Variants in HMCN2 observed in about 807,000 individuals in gnomAD.
HMCN2 encodes hemicentin-2.
HMCN2 carries 325 observed loss-of-function variants against 377.5 expected under a neutral mutation model. The observed-to-expected ratio is 0.86, with a 90% CI of 0.79 to 0.94. The LOEUF (loss-of-function observed/expected upper bound fraction) is 0.94. HMCN2 is among the 40% of genes least tolerant of loss of function. The pLI is 0.00. For synonymous variants in HMCN2, 2,007 were observed against 2,046.8 expected (o/e 0.98, Z 0.53); for missense variants, 4,543 against 4,725.3 (o/e 0.96, Z 1.13).
intron 25 of HMCN2, among the ~76,000 whole-genome samples, chr9:130,345,937 C>T (rs1238268349): frequency 6.6e-6 from 1 of 151,950 alleles, no homozygotes; most frequent in African/African-American, 2.4e-5. Flanking sequence ...GCCATGTCTT[C>T]CCCGCCACCA....
chr9:130,290,342 G>C (rs1328054553), intron 4 of HMCN2, among the ~76,000 whole-genome samples: 1 of 152,178 alleles, frequency 6.6e-6, no homozygotes, highest in Non-Finnish European at 1.5e-5. Context: ...TTTCTGCCTC[G>C]TGTCCCAGCC....
intron 8 of HMCN2, among the ~76,000 whole-genome samples, chr9:130,300,370 G>A (rs1057230034): frequency 6.6e-6 from 1 of 152,212 alleles, no homozygotes; most frequent in Non-Finnish European, 1.5e-5. Flanking sequence ...AGTGGGCAGG[G>A]CAGACATGGA....
intron 43 of HMCN2, among the ~76,000 whole-genome samples, chr9:130,367,941 C>CAAAAAA (rs10565235): frequency 1.3e-5 from 1 of 75,506 alleles, no homozygotes; most frequent in Non-Finnish European, 2.5e-5. Flanking sequence ...GACTCTGTCT[C>CAAAAAA]AAAAAAAAAA....
rs374654419 is a variant in HMCN2, at chr9:130,349,607, G to T, written c.4374G>T (p.Leu1458=). ...VLGLAGADVE[L]QCWTSGVPTP... ...GATTGGCCGGTGCAGACGTGGAGCT[G>T]CAGTGTTGGACCTCAGGGGTCCCCA... The change falls in exon 29 of 98, where the codon CTG becomes CTT. Residue 1458 remains leucine (L), a synonymous_variant. Transcript: ENST00000683500. The T allele has an allele frequency of 2.7e-4, 346 of 1,304,130 alleles. 2 individuals carry two copies. The African/African-American group carries it at 4.9e-3, about 18-fold the overall frequency. The allele number at this position is 1,304,130 out of a possible 1,614,324, so 80.8% of individuals were successfully genotyped here.
chr9:130,407,531 C>G, intron 82 of HMCN2, 40 bp from the exon 83 acceptor site: 3 of 1,286,314 alleles, frequency 2.3e-6, no homozygotes, highest in Middle Eastern at 4.3e-4. Context: ...GTGTTTAGGG[C>G]AGGAGTTCCC....
Position 130,369,890 on chromosome 9 carries a change from A to C in HMCN2, c.7069+39A>C. ...GCTGCTGGAGGAGTTGGGCTGGGGC[A>C]GATTAGAGTGGGCAAGGTGGGTTCA... On this transcript the variant is annotated intron_variant, in intron 45 of 97. Coordinates refer to ENST00000683500, the MANE Select transcript of HMCN2 (RefSeq NM_001291815.2). This position sits in a 1 kb window ranked among gnomAD's most constrained non-coding sequence, Gnocchi z 4.5. 1.0e-6 allele frequency: 1 copy of C among 983,746 alleles called. No homozygotes were observed. The highest frequency in any genetic ancestry group is 1.2e-6 in the Non-Finnish European group (1 of 828,352). The allele number at this position is 983,746 out of a possible 1,614,324, so 60.9% of individuals were successfully genotyped here. A position where few individuals can be genotyped will look rare whatever the true frequency, so the allele number is the denominator to read the frequency against.
Position 130,394,250 on chromosome 9 carries a change from C to G in HMCN2, c.10502-135C>G. 4 of 596,154 alleles carry G rather than the reference C, an allele frequency of 6.7e-6. No homozygotes were observed. The highest frequency in any genetic ancestry group is 1.0e-5 in the Non-Finnish European group (4 of 394,546). The allele number at this position is 596,154 out of a possible 1,614,324, so 36.9% of individuals were successfully genotyped here. A position where few individuals can be genotyped will look rare whatever the true frequency, so the allele number is the denominator to read the frequency against. ...TGCTCCTGGTTTCTTTCCACCAAACCTTGGTGGCAGATGCAAGAACAAGGG... is the reference window on the plus strand; with the variant it reads ...TGCTCCTGGTTTCTTTCCACCAAACGTTGGTGGCAGATGCAAGAACAAGGG... On this transcript the variant is annotated intron_variant, in intron 68 of 97. Transcript: ENST00000683500. The surrounding 1 kb of genome is among the most constrained non-coding windows in gnomAD (Gnocchi z 5.1).
Position 130,355,077 on chromosome 9 carries a change from G to A in HMCN2, c.5146+33G>A, listed in dbSNP as rs747838921. 47 of 1,241,676 alleles carry A rather than the reference G, an allele frequency of 3.8e-5. No homozygotes were observed. In the African/African-American group the frequency reaches 6.6e-4, roughly 17 times the overall value. The allele number at this position is 1,241,676 out of a possible 1,614,324, so 76.9% of individuals were successfully genotyped here. A position where few individuals can be genotyped will look rare whatever the true frequency, so the allele number is the denominator to read the frequency against. On this transcript the variant is annotated intron_variant, in intron 32 of 97. Transcript: ENST00000683500. ...CGGCCCACCCCACTCAGAGCTGCCT[G>A]GGCTGTGGACGTCTGCCCAGGCCTG...
chr9:130,348,954 T>A, intron 27 of HMCN2, 30 bp from the exon 28 acceptor site: 7 of 1,298,364 alleles, frequency 5.4e-6, no homozygotes, highest in Non-Finnish European at 7.1e-6. Flanking sequence ...GATCCCCTCT[T>A]ACTGGCTCCC....
chr9:130,306,769 A>G (rs1554936930), intron 12 of HMCN2, 42 bp from the exon 13 acceptor site: 2 of 449,432 alleles, frequency 4.5e-6, no homozygotes, highest in Non-Finnish European at 9.4e-6. Flanking sequence ...TTGTGGATCA[A>G]CCCCTTTTGT....
chr9:130,337,383 A>G (rs1266405361), intron 22 of HMCN2, among the ~76,000 whole-genome samples: 1 of 152,120 alleles, frequency 6.6e-6, no homozygotes, highest in African/African-American at 2.4e-5. Context: ...GCACCAGACC[A>G]GAGGGCCTCA....
At chr9:130,291,747 G>A (rs1234399883) in intron 4 of HMCN2, among the ~76,000 whole-genome samples, 6 of 152,086 alleles carry the variant, frequency 3.9e-5, no homozygotes, top group East Asian at 1.9e-4. Context: ...CCACAATATC[G>A]TCTAATAAAA....
intron 16 of HMCN2, among the ~76,000 whole-genome samples, chr9:130,319,978 G>C (rs1328803224): frequency 2.0e-5 from 3 of 152,190 alleles, no homozygotes; most frequent in African/African-American, 4.8e-5. Context: ...GCTTAGCACA[G>C]TTCTTGCCAC....
Position 130,362,899 on chromosome 9 carries a change from T to C in HMCN2, c.6141T>C (p.Ala2047=), listed in dbSNP as rs1160783766. The change falls in exon 40 of 98, where the codon GCT becomes GCC. Residue 2047 remains alanine (A), a synonymous_variant. Transcript: ENST00000683500. The part of the protein sequence containing the change: ...VFPGGRVLTL[A]SARASDSGRY... Reference sequence around the variant, plus strand: ...CTGGGGGCCGGGTCCTCACCTTGGCTAGTGCCCGGGCCTCCGACTCTGGGA... The same window carrying C: ...CTGGGGGCCGGGTCCTCACCTTGGCCAGTGCCCGGGCCTCCGACTCTGGGA... The C allele has an allele frequency of 1.0e-6, 1 of 985,836 alleles. No individual in the cohort carries two copies. Among genetic ancestry groups the C allele is most frequent in the Non-Finnish European group, 1.2e-6 (1 of 829,980 alleles). The allele number at this position is 985,836 out of a possible 1,614,324, so 61.1% of individuals were successfully genotyped here. A position where few individuals can be genotyped will look rare whatever the true frequency, so the allele number is the denominator to read the frequency against.
At position 130,361,272 on chromosome 9, in the gene HMCN2, C is replaced by T. The variant is rs536174307; in HGVS notation, c.5950+668C>T. On this transcript the variant is annotated intron_variant, in intron 38 of 97. Transcript: ENST00000683500. The surrounding 1 kb of genome is among the most constrained non-coding windows in gnomAD (Gnocchi z 4.8). Reference sequence around the variant, plus strand: ...AGCAGCTGGTGAACATGAGGTGCAACGGAGCACCTATAACAGGGCACTGAC... The same window carrying T: ...AGCAGCTGGTGAACATGAGGTGCAATGGAGCACCTATAACAGGGCACTGAC... 5.9e-5 allele frequency among the ~76,000 whole-genome samples: 9 copies of T among 152,320 alleles called. No individual in the cohort carries two copies. The highest frequency in any genetic ancestry group is 1.7e-4 in the African/African-American group (7 of 41,568).
chr9:130,278,025 CACG>C (rs1448142571), intron 1 of HMCN2, among the ~76,000 whole-genome samples: 1 of 7,306 alleles, frequency 1.4e-4, no homozygotes, highest in Non-Finnish European at 2.1e-4. Context: ...TCACCACCAC[CACG>C]ATCATCACCA....
In HMCN2 at chr9:130,369,593, C is replaced by T. The variant is rs61741502; in HGVS notation, c.6811C>T (p.Arg2271Trp). ...AGTTCCCCCTCAGATTGCCGGTCCC[C>T]GGGAGCCTCCCACACAAGTCTCTGT... ...VHVPPQIAGP[R>W]EPPTQVSVVQ... The change falls in exon 45 of 98, where the codon CGG becomes TGG. Residue 2271 changes from arginine to tryptophan, a missense_variant. Arg to Trp is a moderately radical substitution (Grantham distance 101). Coordinates refer to ENST00000683500, the MANE Select transcript of HMCN2 (RefSeq NM_001291815.2). The surrounding 1 kb of genome is among the most constrained non-coding windows in gnomAD (Gnocchi z 4.5). 6,299 of 985,794 alleles carry T rather than the reference C, an allele frequency of 6.4e-3. 209 individuals carry two copies. The African/African-American group carries it at 0.078, about 12-fold the overall frequency. The allele number at this position is 985,794 out of a possible 1,614,324, so 61.1% of individuals were successfully genotyped here.
intron 24 of HMCN2, among the ~76,000 whole-genome samples, chr9:130,342,145 G>T (rs1839093396): frequency 6.6e-6 from 1 of 152,186 alleles, no homozygotes; most frequent in Non-Finnish European, 1.5e-5. Context: ...AGCATGTGGG[G>T]CTCGGCCCTG....
chr9:130,382,656 A>G (rs1411711167), intron 55 of HMCN2, 23 bp from the exon 56 acceptor site: 2 of 784,310 alleles, frequency 2.6e-6, no homozygotes, highest in Non-Finnish European at 3.0e-6. Flanking sequence ...CCAGCCCCTC[A>G]GCCCCCTCTC....
Sources: allele counts gnomAD v4.1 joint callset (sites outside exome capture counted in the v4.1 genomes callset), GRCh38; gene constraint gnomAD v4.1.1; non-coding constraint Gnocchi (gnomAD v3.1); transcripts MANE v1.5; gene names NCBI Gene and HGNC (gene_info 2026-07-23, HGNC 2026-07-21).